Variants in NBPF15 observed in about 807,000 individuals in gnomAD.
NBPF15 encodes NBPF family member NBPF15.
A neutral mutation model predicts 62.2 loss-of-function variants in NBPF15; 74 were observed. The observed-to-expected ratio is 1.19, with a 90% CI of 0.99 to 1.44. The LOEUF (loss-of-function observed/expected upper bound fraction) is 1.44. NBPF15 is among the 40% of genes most tolerant of loss of function. The pLI is 0.00. For synonymous variants in NBPF15, 244 were observed against 209.7 expected (o/e 1.16, Z -1.41); for missense variants, 790 against 550.0 (o/e 1.44, Z -4.36).
chr1:144,440,284 C>G lies in NBPF15; in HGVS notation c.-179G>C. 2 of 1,474,430 alleles carry G rather than the reference C, an allele frequency of 1.4e-6. No individual in the cohort carries two copies. The highest frequency in any genetic ancestry group is 1.8e-6 in the Non-Finnish European group (2 of 1,101,158). 91.3% of individuals were successfully genotyped at this position (1,474,430 alleles called of 1,614,324 possible). Reference sequence around the variant, plus strand: ...AGTGAGGTAGATTGTGGCCAGCGTGCCAGGTAACCGTCTGCAGTTGCAATA... The same window carrying G: ...AGTGAGGTAGATTGTGGCCAGCGTGGCAGGTAACCGTCTGCAGTTGCAATA... On this transcript the variant is annotated 5_prime_UTR_variant, in exon 7 of 22. Transcript: ENST00000581897.
At chr1:144,423,397 A>T in intron 21 of NBPF15, 141 bp from the exon 22 acceptor site, 1 of 1,554,596 alleles carries the variant, frequency 6.4e-7, no homozygotes, top group Non-Finnish European at 8.7e-7. Flanking sequence ...AAAAAAATTT[A>T]TTGCCTTTAT....
chr1:144,422,998 C>A lies in NBPF15; in HGVS notation c.*15G>T, dbSNP rs781939655. 6.2e-7 allele frequency: 1 copy of A among 1,611,646 alleles called. No individual in the cohort carries two copies. The highest frequency in any genetic ancestry group is 1.1e-5 in the South Asian group (1 of 90,966). On this transcript the variant is annotated 3_prime_UTR_variant, in exon 22 of 22. Coordinates refer to ENST00000581897, the MANE Select transcript of NBPF15 (RefSeq NM_001385408.1). ...TGCCTGCAGGAATGACATCTCTCGG[C>A]TTAGTAAGAGCTGCTTATTGTGGGA...
At chr1:144,444,062 G>A (rs1685447955) in intron 6 of NBPF15, among the ~76,000 whole-genome samples, 1 of 151,784 alleles carries the variant, frequency 6.6e-6, no homozygotes, top group South Asian at 2.1e-4. Context: ...GTAATGTCTT[G>A]TAAATACTGA....
chr1:144,434,526 C>A, intron 12 of NBPF15, among the ~76,000 whole-genome samples: 1 of 134,446 alleles, frequency 7.4e-6, no homozygotes, highest in East Asian at 2.4e-4. Flanking sequence ...AAAAAATCCA[C>A]GATGCTACAA....
At chr1:144,436,051 A>T (rs1456139100) in intron 10 of NBPF15, among the ~76,000 whole-genome samples, 198 bp from the exon 11 acceptor site, 2 of 151,336 alleles carry the variant, frequency 1.3e-5, no homozygotes, top group Admixed American at 1.3e-4. Context: ...CTGGAGGGCC[A>T]CCATCAAGAT....
At chr1:144,456,279 T>G (rs1553546951) in intron 4 of NBPF15, among the ~76,000 whole-genome samples, 2 of 151,940 alleles carry the variant, frequency 1.3e-5, no homozygotes, top group East Asian at 3.9e-4. Flanking sequence ...ATCTAGCTAC[T>G]AAGGAAAAGT....
intron 6 of NBPF15, among the ~76,000 whole-genome samples, chr1:144,441,586 G>A (rs1321794541): frequency 6.7e-6 from 1 of 148,936 alleles, no homozygotes; most frequent in Non-Finnish European, 1.5e-5. Context: ...TCTAGAGATA[G>A]CGTTTAAGTT....
chr1:144,423,000 T>C lies in NBPF15; in HGVS notation c.*13A>G. ...CCTGCAGGAATGACATCTCTCGGCTTAGTAAGAGCTGCTTATTGTGGGAAT... is the reference window on the plus strand; with the variant it reads ...CCTGCAGGAATGACATCTCTCGGCTCAGTAAGAGCTGCTTATTGTGGGAAT... On this transcript the variant is annotated 3_prime_UTR_variant, in exon 22 of 22. Coordinates refer to ENST00000581897, the MANE Select transcript of NBPF15 (RefSeq NM_001385408.1). The C allele has an allele frequency of 6.2e-7, 1 of 1,611,662 alleles. No individual in the cohort carries two copies. The highest frequency in any genetic ancestry group is 1.1e-5 in the South Asian group (1 of 90,966).
At chr1:144,431,435 T>TC (rs1262638802) in intron 13 of NBPF15, among the ~76,000 whole-genome samples, 4 of 150,388 alleles carry the variant, frequency 2.7e-5, no homozygotes, top group African/African-American at 1.0e-4. Flanking sequence ...TCTTTTTTTT[T>TC]CCATATGTAT....
rs1418182066 is a variant in NBPF15 at position 144,440,009 on chromosome 1, C to T, written c.-6G>A. 310 of 1,606,724 alleles carry T rather than the reference C, an allele frequency of 1.9e-4. 5 individuals carry two copies. The Middle Eastern group carries it at 3.6e-3, about 19-fold the overall frequency. On this transcript the variant is annotated 5_prime_UTR_variant, in exon 8 of 22. Coordinates refer to ENST00000581897, the MANE Select transcript of NBPF15 (RefSeq NM_001385408.1). ...GGGCCGGCTGATACCACCATGCTGACGTTTGTGGCAGAAGAGGTGGAGTCA... is the reference window on the plus strand; with the variant it reads ...GGGCCGGCTGATACCACCATGCTGATGTTTGTGGCAGAAGAGGTGGAGTCA...
intron 9 of NBPF15, among the ~76,000 whole-genome samples, 168 bp downstream of exon 9, chr1:144,437,777 T>C (rs1184097577): frequency 6.6e-6 from 1 of 152,016 alleles, no homozygotes; most frequent in Non-Finnish European, 1.5e-5. Flanking sequence ...CCATACATTT[T>C]TATTATCCTT....
chr1:144,457,154 G>A (rs1296962708), intron 3 of NBPF15, among the ~76,000 whole-genome samples: 2 of 151,616 alleles, frequency 1.3e-5, no homozygotes, highest in South Asian at 2.1e-4. Flanking sequence ...CCAGCCTGGG[G>A]GAAAAAAAAA....
rs1553540861 is a variant in NBPF15, at chr1:144,435,304, C to T, written c.579G>A (p.Lys193=). 6.2e-7 allele frequency: 1 copy of T among 1,608,284 alleles called. No homozygotes were observed. The highest frequency in any genetic ancestry group is 1.7e-5 in the Admixed American group (1 of 59,844). ...QKSSAPREMQ[K]AEEKEVPEDS... ...CCTCAGGGACTTCCTTTTCTTCAGC[C>T]TTCTGCATCTCCCTGATGAGCCAGG... The change falls in exon 12 of 22, where the codon AAG becomes AAA. Residue 193 remains lysine (K), a synonymous_variant. Transcript: ENST00000581897.
Position 144,423,039 on chromosome 1 carries a change from G to C in NBPF15, c.1987C>G (p.Gln663Glu). 6.2e-7 allele frequency: 1 copy of C among 1,611,624 alleles called. No individual in the cohort carries two copies. Among genetic ancestry groups the C allele is most frequent in the Non-Finnish European group, 8.5e-7 (1 of 1,179,632 alleles). ...LTVTSLHLVF[Q>E]MGVIFPQ ...TATTGTGGGAATATGACTCCCATCT[G>C]GAACACCAGGTGGAGACTTGTCACC... is the stretch of plus-strand genomic sequence containing the variant. Residue 663 changes from glutamine to glutamate, a missense_variant, in exon 22 of 22, where the codon CAG (glutamine) becomes GAG (glutamate). By Grantham distance (29) the Gln-to-Glu change is conservative. Coordinates refer to ENST00000581897, the MANE Select transcript of NBPF15 (RefSeq NM_001385408.1).
intron 6 of NBPF15, among the ~76,000 whole-genome samples, chr1:144,445,270 G>A (rs76732307): frequency 8.6e-5 from 9 of 104,972 alleles, no homozygotes; most frequent in Non-Finnish European, 1.3e-4. Flanking sequence ...GTCTGTATAT[G>A]TATATATATA....
At chr1:144,437,878 A>G (rs1463733016) in intron 9 of NBPF15, 67 bp downstream of exon 9, 4 of 1,610,546 alleles carry the variant, frequency 2.5e-6, no homozygotes, top group Non-Finnish European at 2.5e-6. Context: ...ACATCTCCCC[A>G]CCGAGCTGCT....
chr1:144,425,186 A>T (rs1668872656), intron 19 of NBPF15, among the ~76,000 whole-genome samples: 1 of 136,618 alleles, frequency 7.3e-6, no homozygotes, highest in African/African-American at 3.0e-5. Flanking sequence ...GGACACTCTG[A>T]GTTAGTGCCC....
chr1:144,445,268 A>ATT (rs1686535505), intron 6 of NBPF15, among the ~76,000 whole-genome samples: 2 of 93,808 alleles, frequency 2.1e-5, no homozygotes, highest in Admixed American at 1.1e-4. Flanking sequence ...GTGTCTGTAT[A>ATT]TGTATATATA....
chr1:144,455,197 G>A (rs1418119029), intron 4 of NBPF15, among the ~76,000 whole-genome samples: 2 of 147,014 alleles, frequency 1.4e-5, no homozygotes, highest in African/African-American at 2.5e-5. Context: ...GAAAGGAAGG[G>A]AGGGAAGGCA....
Sources: allele counts gnomAD v4.1 joint callset (sites outside exome capture counted in the v4.1 genomes callset), GRCh38; gene constraint gnomAD v4.1.1; transcripts MANE v1.5; gene names NCBI Gene and HGNC (gene_info 2026-07-23, HGNC 2026-07-21).